ZNF844: variants seen among roughly 807,000 people sequenced by gnomAD.
The protein encoded by ZNF844 is zinc finger protein 844.
Under a neutral mutation model 11.4 loss-of-function variants are expected in ZNF844, and 11 were observed. The observed-to-expected ratio is 0.97, with a 90% confidence interval of 0.61 to 1.60. The LOEUF is 1.60. Ranked by LOEUF, ZNF844 falls within the 40% of genes most tolerant of loss-of-function variation. The pLI, the probability that ZNF844 is intolerant of heterozygous loss-of-function variation, is 0.00. For synonymous variants in ZNF844, 248 were observed against 260.3 expected (o/e 0.95, Z 0.46); for missense variants, 790 against 796.8 (o/e 0.99, Z 0.10).
rs1568361637 is a variant in ZNF844, at chr19:12,077,030, TG to T, written c.1912del (p.Glu638ArgfsTer7). On this transcript the variant is annotated frameshift_variant, in exon 4 of 4. Coordinates refer to ENST00000439326, the MANE Select transcript of ZNF844 (RefSeq NM_001136501.3). LOFTEE classifies it low-confidence loss of function (END_TRUNC). ...LLCVYTKGCT[L>X]ERNHINVRIV... ...TGCGTATACACAAAAGGATGCACAC[TG>T]GAGAGAAACCATATTAATGTAAGGA... 1.3e-6 allele frequency: 2 copies of T among 1,597,096 alleles called. No individual in the cohort carries two copies. Among genetic ancestry groups the T allele is most frequent in the African/African-American group, 2.7e-5 (2 of 74,328 alleles).
At chr19:12,069,188 T>TG (rs1318377310) in intron 1 of ZNF844, among the ~76,000 whole-genome samples, 7 of 146,532 alleles carry the variant, frequency 4.8e-5, no homozygotes, top group African/African-American at 1.8e-4. Flanking sequence ...CCTTTTTTTT[T>TG]TTTTTTTTTT....
intron 1 of ZNF844, among the ~76,000 whole-genome samples, chr19:12,068,502 G>A (rs1975717528): frequency 6.6e-6 from 1 of 151,926 alleles, no homozygotes; most frequent in African/African-American, 2.4e-5. Context: ...CATGGTGGTG[G>A]GCGCTTGTAA....
At chr19:12,075,267 C>T in intron 3 of ZNF844, 45 bp from the exon 4 acceptor site, 1 of 1,256,870 alleles carries the variant, frequency 8.0e-7, no homozygotes, top group East Asian at 3.1e-5. Context: ...AACATCAAAT[C>T]ACTTATAAAC....
At chr19:12,073,670 A>G (rs933369717) in intron 1 of ZNF844, among the ~76,000 whole-genome samples, 1 of 148,198 alleles carries the variant, frequency 6.7e-6, no homozygotes, top group Admixed American at 6.6e-5. Flanking sequence ...ATATAGCCTC[A>G]GGACTGCTAA....
chr19:12,069,179 CTTTTTT>C (rs748342323), intron 1 of ZNF844, among the ~76,000 whole-genome samples: 19 of 120,818 alleles, frequency 1.6e-4, no homozygotes, highest in South Asian at 1.3e-3. Flanking sequence ...TCTTTTATTC[CTTTTTT>C]TTTTTTTTTT....
chr19:12,074,096 T>G lies in ZNF844; in HGVS notation c.69T>G (p.Pro23=). The G allele has an allele frequency of 6.2e-7, 1 of 1,613,750 alleles. No individual in the cohort carries two copies. The highest frequency in any genetic ancestry group is 1.1e-5 in the South Asian group (1 of 91,068). ...FTQEEWSLLD[P]SQKNLYREVM... ...AGGAGGAGTGGTCTTTGCTGGATCC[T>G]TCCCAGAAGAATCTCTACAGAGAAG... Residue 23 remains proline, a synonymous_variant, in exon 2 of 4, where the codon CCT becomes CCG. Coordinates refer to ENST00000439326, the MANE Select transcript of ZNF844 (RefSeq NM_001136501.3).
At chr19:12,073,223 G>A (rs1041699012) in intron 1 of ZNF844, among the ~76,000 whole-genome samples, 10 of 151,680 alleles carry the variant, frequency 6.6e-5, no homozygotes, top group African/African-American at 2.4e-4. Context: ...GCAATGGTGC[G>A]ATCTCAGCTC....
intron 1 of ZNF844, among the ~76,000 whole-genome samples, chr19:12,067,838 G>C (rs1174697831): frequency 6.6e-6 from 1 of 150,488 alleles, no homozygotes; most frequent in Non-Finnish European, 1.5e-5. Context: ...CGTGAACCCA[G>C]GAGGTGGAGC....
Position 12,077,001 on chromosome 19 carries a change from T to C in ZNF844, c.1881T>C (p.Leu627=). ...CGGAAAAGCGTTCAATTATTTTTCTTCTTTGCGTATACACAAAAGGATGCA... is the reference window on the plus strand; with the variant it reads ...CGGAAAAGCGTTCAATTATTTTTCTCCTTTGCGTATACACAAAAGGATGCA... ...RNAEKRSIIF[L]LCVYTKGCTL... is the part of the protein sequence containing the mutation. Residue 627 remains leucine, a synonymous_variant, in exon 4 of 4, where the codon CTT becomes CTC. Coordinates refer to ENST00000439326, the MANE Select transcript of ZNF844 (RefSeq NM_001136501.3). The C allele has an allele frequency of 1.1e-5, 17 of 1,597,098 alleles. No homozygotes were observed. The highest frequency in any genetic ancestry group is 1.5e-5 in the Non-Finnish European group (17 of 1,171,326).
Position 12,077,502 on chromosome 19 carries a change from G to A in ZNF844, c.*381G>A, listed in dbSNP as rs10424345. 0.2 allele frequency: 114,636 copies of A among 584,626 alleles called. 19,587 individuals carry two copies. Among genetic ancestry groups the A allele is most frequent in the African/African-American group, 0.72 (37,864 of 52,886 alleles). The allele number at this position is 584,626 out of a possible 1,614,324, so 36.2% of individuals were successfully genotyped here. The stretch of plus-strand genomic sequence containing the variant: ...GTGTGGGAAAGCCTTCATTTCTTCC[G>A]GTAGCCTTCGATATCATGAAAGGAC... On this transcript the variant is annotated 3_prime_UTR_variant, in exon 4 of 4. Coordinates refer to ENST00000439326, the MANE Select transcript of ZNF844 (RefSeq NM_001136501.3).
In ZNF844 at chr19:12,078,548, A is replaced by G. The variant is rs974218620; in HGVS notation, c.*1427A>G. 6.6e-6 allele frequency: 1 copy of G among 152,230 alleles called. No individual in the cohort carries two copies. Among genetic ancestry groups the G allele is most frequent in the Non-Finnish European group, 1.5e-5 (1 of 68,042 alleles). The allele number at this position is 152,230 out of a possible 1,614,324, so 9.4% of individuals were successfully genotyped here. On this transcript the variant is annotated 3_prime_UTR_variant, in exon 4 of 4. Transcript: ENST00000439326. ...ATTGTGAGTCAATATTACCAAGTGG[A>G]CAAAATCCCAGGCATCTTTTTCCTC...
chr19:12,067,526 G>A (rs1975702355), intron 1 of ZNF844, among the ~76,000 whole-genome samples: 1 of 146,784 alleles, frequency 6.8e-6, no homozygotes, highest in African/African-American at 2.5e-5. Context: ...GGAATTGCTT[G>A]CACCTGGGAG....
chr19:12,074,443 A>C (rs1975785300), intron 3 of ZNF844, 22 bp downstream of exon 3: 1 of 1,473,746 alleles, frequency 6.8e-7, no homozygotes, highest in Admixed American at 2.3e-5. Flanking sequence ...TCACGAGACA[A>C]AGCAATGTCT....
At position 12,077,432 on chromosome 19, in the gene ZNF844, T is replaced by A. The variant is rs1046031101; in HGVS notation, c.*311T>A. ...TCATGTCTTCTACTGCATTTCAGTA[T>A]CATGAAAAGACCCACACCAGAGAGA... On this transcript the variant is annotated 3_prime_UTR_variant, in exon 4 of 4. Coordinates refer to ENST00000439326, the MANE Select transcript of ZNF844 (RefSeq NM_001136501.3). 1.6e-6 allele frequency: 1 copy of A among 642,226 alleles called. No homozygotes were observed. Among genetic ancestry groups the A allele is most frequent in the Non-Finnish European group, 2.9e-6 (1 of 344,122 alleles). 39.8% of individuals were successfully genotyped at this position (642,226 alleles called of 1,614,324 possible). A position where few individuals can be genotyped will look rare whatever the true frequency, so the allele number is the denominator to read the frequency against.
At chr19:12,067,299 G>A (rs777571452) in intron 1 of ZNF844, among the ~76,000 whole-genome samples, 1 of 152,118 alleles carries the variant, frequency 6.6e-6, no homozygotes, top group Non-Finnish European at 1.5e-5. Flanking sequence ...GGGTGACAGA[G>A]TGAGACCCTG....
rs774365295 is a variant in ZNF844 at position 12,076,306 on chromosome 19, A to G, written c.1186A>G (p.Thr396Ala). The G allele has an allele frequency of 9.3e-6, 15 of 1,613,772 alleles. No homozygotes were observed. The highest frequency in any genetic ancestry group is 1.6e-4 in the Middle Eastern group (1 of 6,084). Residue 396 changes from threonine to alanine, a missense_variant, in exon 4 of 4, where the codon ACT becomes GCT. Coordinates refer to ENST00000439326, the MANE Select transcript of ZNF844 (RefSeq NM_001136501.3). ...GGAGAGAAACCTTATGAATGCAAGC[A>G]CTGTGGTAAAGCCTTCAATCGTTCC... ...TLERNLMNAS[T>A]VVKPSIVPVP... is the part of the protein sequence containing the mutation.
At chr19:12,073,990 C>T (rs757971044) in intron 1 of ZNF844, 41 bp from the exon 2 acceptor site, 64 of 1,592,206 alleles carry the variant, frequency 4.0e-5, no homozygotes, top group Non-Finnish European at 5.1e-5. Context: ...CCAGTGCTGT[C>T]AGTCTCACCC....
chr19:12,069,580 T>C (rs1975731033), intron 1 of ZNF844, among the ~76,000 whole-genome samples: 1 of 152,028 alleles, frequency 6.6e-6, no homozygotes, highest in Non-Finnish European at 1.5e-5. Flanking sequence ...AAGGAATTTT[T>C]TTTTTTTTTA....
In ZNF844 at chr19:12,076,153, G is replaced by A. The variant is rs1170440125; in HGVS notation, c.1033G>A (p.Ala345Thr). ...CTGTGAATGTAAACAATGTGGGAAA[G>A]CATTATCTTATCTTAACTTTCAAAG... ...KPCECKQCGKALSYLNFQRHM... is the reference protein window; with the variant it reads ...KPCECKQCGKTLSYLNFQRHM... The change falls in exon 4 of 4, where the codon GCA (alanine) becomes ACA (threonine). Residue 345 changes from alanine to threonine, a missense_variant. This residue lies in a region of ZNF844 where 657 missense variants were observed against 636.2 expected (regional missense o/e 1.03). Transcript: ENST00000439326. 3.2e-6 allele frequency: 5 copies of A among 1,577,492 alleles called. No individual in the cohort carries two copies. Among genetic ancestry groups the A allele is most frequent in the Middle Eastern group, 1.7e-4 (1 of 6,044 alleles).
Sources: gnomAD v4.1 joint callset for allele counts (sites outside exome capture counted in the v4.1 genomes callset) on GRCh38, gnomAD v4.1.1 for gene constraint, gnomAD v4.1.1 regional missense constraint, MANE v1.5 for transcripts, NCBI Gene and HGNC (gene_info 2026-07-23, HGNC 2026-07-21) for gene names.